SKP2: variants seen among roughly 807,000 people sequenced by gnomAD.
SKP2 encodes S-phase kinase associated protein 2, also known as S-phase kinase-associated protein 2.
A neutral mutation model predicts 51.8 loss-of-function variants in SKP2; 16 were observed. The ratio of observed to expected loss-of-function variants is 0.31; its 90% confidence interval spans 0.21 to 0.47. The LOEUF is 0.47. SKP2 is among the 20% of genes least tolerant of loss of function. SKP2 has a pLI of 1.00. For synonymous variants in SKP2, 176 were observed against 198.6 expected (o/e 0.89, Z 0.96); for missense variants, 377 against 505.3 (o/e 0.75, Z 2.43).
chr5:36,153,143 A>G, intron 2 of SKP2, 101 bp downstream of exon 2: 1 of 1,155,688 alleles, frequency 8.7e-7, no homozygotes, highest in Non-Finnish European at 1.2e-6. Context: ...GTTCCTTTTA[A>G]GATTGCCTAA....
chr5:36,167,248 A>G (rs1194697518), intron 4 of SKP2, among the ~76,000 whole-genome samples: 1 of 152,172 alleles, frequency 6.6e-6, no homozygotes, highest in Non-Finnish European at 1.5e-5. Context: ...TGAAGACAAC[A>G]AAGCTAAAGA....
downstream of SKP2, among the ~76,000 whole-genome samples, chr5:36,184,931 C>A (rs990165210): frequency 2.0e-5 from 3 of 152,174 alleles, no homozygotes; most frequent in Admixed American, 6.5e-5. Flanking sequence ...TCTGTTGTTT[C>A]CTGACTTTTT....
At chr5:36,158,350 T>C (rs1745016973) in intron 2 of SKP2, among the ~76,000 whole-genome samples, 1 of 152,228 alleles carries the variant, frequency 6.6e-6, no homozygotes, top group Non-Finnish European at 1.5e-5. Flanking sequence ...ATTAAGCATA[T>C]CACAGCCTGG....
Position 36,184,049 on chromosome 5 carries a change from G to T in SKP2, c.*2018G>T. The T allele has an allele frequency of 9.5e-7, 1 of 1,056,434 alleles. No homozygotes were observed. The highest frequency in any genetic ancestry group is 1.4e-6 in the Non-Finnish European group (1 of 715,558). 65.4% of individuals were successfully genotyped at this position (1,056,434 alleles called of 1,614,324 possible). The stretch of plus-strand genomic sequence containing the variant: ...TAAAAATGAGTGCTTAAACTAAGTT[G>T]TATTCCTTTTTTCTTTCTCTTTTTT... On this transcript the variant is annotated 3_prime_UTR_variant, in exon 10 of 10. Coordinates refer to ENST00000274255, the MANE Select transcript of SKP2 (RefSeq NM_005983.4).
In SKP2 at chr5:36,183,974, G is replaced by A; in HGVS notation, c.*1943G>A. 2 of 1,605,152 alleles carry A rather than the reference G, an allele frequency of 1.2e-6. No homozygotes were observed. Among genetic ancestry groups the A allele is most frequent in the South Asian group, 1.1e-5 (1 of 89,670 alleles). Reference sequence around the variant, plus strand: ...GTCAGAGTAATCTGTATTTTTGTATGTGATTTCTACTTTTATAGACTTGTT... The same window carrying A: ...GTCAGAGTAATCTGTATTTTTGTATATGATTTCTACTTTTATAGACTTGTT... On this transcript the variant is annotated 3_prime_UTR_variant, in exon 10 of 10. Transcript: ENST00000274255.
At chr5:36,169,257 C>T (rs1198300913) in intron 5 of SKP2, among the ~76,000 whole-genome samples, 1 of 152,016 alleles carries the variant, frequency 6.6e-6, no homozygotes, top group Non-Finnish European at 1.5e-5. Flanking sequence ...CCAGCCTGGC[C>T]AACATGGTGA....
intron 7 of SKP2, among the ~76,000 whole-genome samples, chr5:36,173,690 TA>T (rs1452432971): frequency 5.3e-5 from 8 of 152,258 alleles, no homozygotes; most frequent in African/African-American, 1.7e-4. Flanking sequence ...GCAGAAATAG[TA>T]GGTATTAAAA....
intron 2 of SKP2, among the ~76,000 whole-genome samples, chr5:36,155,946 C>T (rs1242044604): frequency 2.0e-5 from 3 of 152,120 alleles, no homozygotes; most frequent in African/African-American, 7.2e-5. Context: ...CTGTGATTCC[C>T]ATTCAGGTGG....
At chr5:36,154,057 AGT>A (rs1744859943) in intron 2 of SKP2, among the ~76,000 whole-genome samples, 1 of 152,206 alleles carries the variant, frequency 6.6e-6, no homozygotes, top group African/African-American at 2.4e-5. Context: ...CATCCATTCT[AGT>A]GAGAGAATAC....
chr5:36,177,328 C>T (rs1165092483), intron 9 of SKP2, 36 bp downstream of exon 9: 6 of 1,219,466 alleles, frequency 4.9e-6, no homozygotes, highest in Non-Finnish European at 7.3e-6. Flanking sequence ...TAATAGAAGG[C>T]AGGAAACAAC....
At chr5:36,181,193 A>C (rs1293868520) in intron 9 of SKP2, among the ~76,000 whole-genome samples, 1 of 152,198 alleles carries the variant, frequency 6.6e-6, no homozygotes, top group Non-Finnish European at 1.5e-5. Context: ...ATTACCTCCT[A>C]TAAAGGGTGT....
At chr5:36,169,794 A>T (rs1745410671) in intron 5 of SKP2, among the ~76,000 whole-genome samples, 1 of 152,210 alleles carries the variant, frequency 6.6e-6, no homozygotes, top group African/African-American at 2.4e-5. Flanking sequence ...AGGGAGACTG[A>T]GTAAGTCTTT....
chr5:36,180,842 G>T (rs552148132), intron 9 of SKP2, among the ~76,000 whole-genome samples: 28 of 152,276 alleles, frequency 1.8e-4, no homozygotes, highest in Admixed American at 3.9e-4. Flanking sequence ...TTAGGTAATT[G>T]ATGTGCTCAT....
intron 6 of SKP2, among the ~76,000 whole-genome samples, 166 bp from the exon 7 acceptor site, chr5:36,171,437 A>T (rs935875888): frequency 6.6e-5 from 10 of 152,214 alleles, no homozygotes; most frequent in Admixed American, 5.9e-4. Flanking sequence ...AGGGGCAAAC[A>T]GGGTATACTT....
intron 9 of SKP2, among the ~76,000 whole-genome samples, chr5:36,181,133 G>A (rs757423385): frequency 7.2e-5 from 11 of 152,142 alleles, no homozygotes. Flanking sequence ...AAAGGGACTG[G>A]CTTATCTATG....
intron 6 of SKP2, among the ~76,000 whole-genome samples, chr5:36,190,623 T>C (rs1043251336): frequency 7.4e-5 from 11 of 148,742 alleles, no homozygotes; most frequent in Admixed American, 2.0e-4. Flanking sequence ...TATCACCCAA[T>C]TGTGCTGGTC....
At chr5:36,178,711 G>A (rs924350137) in intron 9 of SKP2, among the ~76,000 whole-genome samples, 3 of 152,032 alleles carry the variant, frequency 2.0e-5, no homozygotes, top group African/African-American at 7.2e-5. Flanking sequence ...AGCCCCCTGG[G>A]GAGTGTGGTG....
intron 7 of SKP2, among the ~76,000 whole-genome samples, chr5:36,176,437 A>T (rs961533572): frequency 3.3e-5 from 5 of 151,346 alleles, no homozygotes; most frequent in African/African-American, 9.7e-5. Flanking sequence ...TTATTTATTT[A>T]GTAATTTTTA....
At chr5:36,187,214 C>CT (rs898195715), downstream of SKP2, among the ~76,000 whole-genome samples, 1 of 151,766 alleles carries the variant, frequency 6.6e-6, no homozygotes, top group East Asian at 1.9e-4. Context: ...TTTTTGAAGG[C>CT]TTTTTTGTGT....
Sources: gnomAD v4.1 joint callset for allele counts (sites outside exome capture counted in the v4.1 genomes callset) on GRCh38, gnomAD v4.1.1 for gene constraint, MANE v1.5 for transcripts, NCBI Gene and HGNC (gene_info 2026-07-23, HGNC 2026-07-21) for gene names.